Variants in BRCA2 observed in about 807,000 individuals in gnomAD.
BRCA2 encodes BRCA2 DNA repair associated, also known as breast cancer type 2 susceptibility protein.
In BRCA2, 203 loss-of-function variants were observed where a neutral mutation model predicts 276.7. That is an observed-to-expected ratio of 0.73 (90% CI 0.65 to 0.82). BRCA2 has a LOEUF of 0.82. Ranked by LOEUF, BRCA2 falls within the 40% of genes least tolerant of loss-of-function variation. The pLI, the probability that BRCA2 is intolerant of heterozygous loss-of-function variation, is 0.00. For missense variants in BRCA2, 3,920 were observed against 3,915.0 expected, an observed-to-expected ratio of 1.00 and a Z score of -0.03; for synonymous variants, 1,289 against 1,338.4, an observed-to-expected ratio of 0.96 and a Z score of 0.81.
At position 32,340,968 on chromosome 13, in the gene BRCA2, G is replaced by A. The variant is rs80358889; in HGVS notation, c.6613G>A (p.Val2205Met). Reference protein sequence around the residue: ...GKTETFSDVPVKTNIEVCSTY... With the variant: ...GKTETFSDVPMKTNIEVCSTY... ...AACTGAAACTTTTTCTGATGTTCCT[G>A]TGAAAACAAATATAGAAGTTTGTTC... The change falls in exon 11 of 27, where the codon GTG becomes ATG. Residue 2205 changes from valine (V) to methionine (M), a missense_variant. By Grantham distance (21) the Val-to-Met change is conservative. Around this residue, in one of 2 missense-constraint regions of BRCA2, gnomAD observed 3,263 missense variants for 3,156.9 expected, o/e 1.03. Transcript: ENST00000380152. 2.1e-5 allele frequency: 34 copies of A among 1,608,604 alleles called. No individual in the cohort carries two copies. Among genetic ancestry groups the A allele is most frequent in the Non-Finnish European group, 2.5e-5 (30 of 1,178,680 alleles).
intron 13 of BRCA2, among the ~76,000 whole-genome samples, chr13:32,347,491 C>T (rs371153560): frequency 4.6e-5 from 7 of 152,238 alleles, no homozygotes; most frequent in African/African-American, 1.7e-4. Flanking sequence ...TCTATATTTC[C>T]TCCCCCACTG....
At chr13:32,351,167 A>G (rs945800143) in intron 13 of BRCA2, among the ~76,000 whole-genome samples, 3 of 152,332 alleles carry the variant, frequency 2.0e-5, no homozygotes, top group Non-Finnish European at 2.9e-5. Context: ...ACTCTTTGCA[A>G]TGAATCTTGC....
chr13:32,392,589 C>A (rs2073004457), intron 24 of BRCA2, among the ~76,000 whole-genome samples: 10 of 133,962 alleles, frequency 7.5e-5, no homozygotes, highest in African/African-American at 1.9e-4. Context: ...GACTGCGTCT[C>A]AAAAAAAAAA....
chr13:32,384,491 A>G (rs1003238560), intron 24 of BRCA2, among the ~76,000 whole-genome samples: 3 of 152,154 alleles, frequency 2.0e-5, no homozygotes, highest in Non-Finnish European at 2.9e-5. Context: ...TTGTGTGTTT[A>G]TAGCAGGTGT....
chr13:32,349,020 G>A (rs949507607), intron 13 of BRCA2, among the ~76,000 whole-genome samples: 3 of 151,958 alleles, frequency 2.0e-5, no homozygotes, highest in African/African-American at 4.8e-5. Context: ...CCAGGAGTTC[G>A]AGACTAGCCT....
chr13:32,360,454 G>A (rs1431766944), intron 16 of BRCA2, among the ~76,000 whole-genome samples: 3 of 152,136 alleles, frequency 2.0e-5, no homozygotes, highest in Non-Finnish European at 4.4e-5. Flanking sequence ...CCACCTCCCA[G>A]GTTCAAGCGA....
intron 11 of BRCA2, among the ~76,000 whole-genome samples, chr13:32,341,619 G>T (rs974276212): frequency 5.3e-5 from 8 of 152,168 alleles, no homozygotes; most frequent in African/African-American, 1.9e-4. Flanking sequence ...TTAAAAGTTG[G>T]TTTCCGGGAG....
Position 32,338,120 on chromosome 13 carries a change from A to G in BRCA2, c.3765A>G (p.Val1255=), listed in dbSNP as rs41293483. ...TTAGTGAGGAAACTTCTGCAGAGGT[A>G]CATCCAATAAGTTTATCTTCAAGTA... The part of the protein sequence containing the change: ...ENISEETSAE[V]HPISLSSSKC... The change falls in exon 11 of 27, where the codon GTA becomes GTG. Residue 1255 remains valine, a synonymous_variant. Coordinates refer to ENST00000380152, the MANE Select transcript of BRCA2 (RefSeq NM_000059.4). 5 of 1,608,322 alleles carry G rather than the reference A, an allele frequency of 3.1e-6. No individual in the cohort carries two copies. The African/African-American group carries it at 6.7e-5, about 22-fold the overall frequency.
At chr13:32,377,779 G>A (rs951634652) in intron 21 of BRCA2, among the ~76,000 whole-genome samples, 4 of 152,128 alleles carry the variant, frequency 2.6e-5, no homozygotes, top group African/African-American at 9.7e-5. Flanking sequence ...AGATTAGTTT[G>A]TTAGGGAGGA....
In BRCA2 at chr13:32,355,095, A is replaced by T. The variant is rs1799955; in HGVS notation, c.7242A>T (p.Ser2414=). ...KVFVPPFKTK[S]HFHRVEQCVR... The stretch of plus-strand genomic sequence containing the variant: ...TTGTTCCACCTTTTAAAACTAAATC[A>T]CATTTTCACAGAGTTGAACAGTGTG... Residue 2414 remains serine (S), a synonymous_variant, in exon 14 of 27, where the codon TCA becomes TCT. Transcript: ENST00000380152. 1.4e-5 allele frequency: 22 copies of T among 1,613,540 alleles called. No homozygotes were observed. The highest frequency in any genetic ancestry group is 1.7e-5 in the Admixed American group (1 of 59,992).
At chr13:32,344,844 T>C (rs2072600709) in intron 12 of BRCA2, among the ~76,000 whole-genome samples, 191 bp downstream of exon 12, 3 of 152,176 alleles carry the variant, frequency 2.0e-5, no homozygotes, top group Admixed American at 2.0e-4. Context: ...ATGTGGAATA[T>C]ATCTATTGAT....
chr13:32,380,108 C>T lies in BRCA2; in HGVS notation c.9219C>T (p.Asp3073=), dbSNP rs2137625533. 1 of 1,613,894 alleles carries T rather than the reference C, an allele frequency of 6.2e-7. No homozygotes were observed. The highest frequency in any genetic ancestry group is 8.5e-7 in the Non-Finnish European group (1 of 1,179,944). ...PDFQPSCSEV[D]LIGFVVSVVK... ...TTCAGCCATCTTGTTCTGAGGTGGACCTAATAGGATTTGTCGTTTCTGTTG... is the reference window on the plus strand; with the variant it reads ...TTCAGCCATCTTGTTCTGAGGTGGATCTAATAGGATTTGTCGTTTCTGTTG... The change falls in exon 24 of 27, where the codon GAC becomes GAT. Residue 3073 remains aspartate (D), a synonymous_variant. Transcript: ENST00000380152.
Position 32,371,235 on chromosome 13 carries a change from G to T in BRCA2, c.8632+135G>T. 4.4e-6 allele frequency: 4 copies of T among 914,528 alleles called. No homozygotes were observed. The South Asian group carries it at 6.7e-5, about 15-fold the overall frequency. 56.7% of individuals were successfully genotyped at this position (914,528 alleles called of 1,614,324 possible). On this transcript the variant is annotated intron_variant, in intron 20 of 26. Coordinates refer to ENST00000380152, the MANE Select transcript of BRCA2 (RefSeq NM_000059.4). ...AATTGACTTTATTTTTTAGTATCTA[G>T]GGTATTCTTTTTTGGTGTTAGACAA...
In BRCA2 at chr13:32,356,561, G is replaced by C. The variant is rs786201620; in HGVS notation, c.7569G>C (p.Leu2523=). The change falls in exon 15 of 27, where the codon CTG becomes CTC. Residue 2523 remains leucine (L), a synonymous_variant. Transcript: ENST00000380152. ...AKTSTLPRIS[L]KAAVGGQVPS... is the part of the protein sequence containing the mutation. ...CATCCACTCTGCCTCGAATCTCTCT[G>C]AAAGCAGCAGTAGGAGGCCAAGTTC... is the stretch of plus-strand genomic sequence containing the variant. 1 of 1,614,066 alleles carries C rather than the reference G, an allele frequency of 6.2e-7. No individual in the cohort carries two copies.
rs1212532871 is a variant in BRCA2, at chr13:32,325,226, T to C, written c.425+42T>C. 3.7e-6 allele frequency: 5 copies of C among 1,362,260 alleles called. No individual in the cohort carries two copies. The African/African-American group carries it at 7.3e-5, about 20-fold the overall frequency. The allele number at this position is 1,362,260 out of a possible 1,614,324, so 84.4% of individuals were successfully genotyped here. A position where few individuals can be genotyped will look rare whatever the true frequency, so the allele number is the denominator to read the frequency against. On this transcript the variant is annotated intron_variant, in intron 4 of 26. Transcript: ENST00000380152. Reference sequence around the variant, plus strand: ...ATATTAAAATATTTAAATGAAACATTTTCCTACATATATTTGTTCTATAAA... The same window carrying C: ...ATATTAAAATATTTAAATGAAACATCTTCCTACATATATTTGTTCTATAAA...
At chr13:32,381,119 C>CT (rs1227128840) in intron 24 of BRCA2, among the ~76,000 whole-genome samples, 2 of 152,084 alleles carry the variant, frequency 1.3e-5, no homozygotes, top group African/African-American at 4.8e-5. Context: ...TTGGATGACT[C>CT]TTTTCACACA....
chr13:32,316,525 CA>C lies in BRCA2; in HGVS notation c.66del (p.Asp23IlefsTer2). The C allele has an allele frequency of 6.2e-7, 1 of 1,612,964 alleles. No homozygotes were observed. Among genetic ancestry groups the C allele is most frequent in the East Asian group, 2.2e-5 (1 of 44,868 alleles). ...FEIFKTRCNK[A>X]DLGPISLNWF... ...ATTTTTAAGACACGCTGCAACAAAG[CA>C]GGTATTGACAAATTTTATATAACTT... On this transcript the variant is annotated frameshift_variant and splice_region_variant, in exon 2 of 27. Transcript: ENST00000380152. LOFTEE classifies it high-confidence loss of function.
At chr13:32,344,499 T>C (rs1566236781) in intron 11 of BRCA2, 59 bp from the exon 12 acceptor site, 3 of 1,172,498 alleles carry the variant, frequency 2.6e-6, no homozygotes, top group African/African-American at 1.6e-5. Context: ...CTATAGACTT[T>C]TGAGAAATAA....
chr13:32,353,590 C>T (rs1006989392), intron 13 of BRCA2, among the ~76,000 whole-genome samples: 1 of 152,106 alleles, frequency 6.6e-6, no homozygotes, highest in South Asian at 2.1e-4. Flanking sequence ...CTAGGCCAAT[C>T]GACATATTTG....
Sources: gnomAD v4.1 joint callset for allele counts (sites outside exome capture counted in the v4.1 genomes callset) on GRCh38, gnomAD v4.1.1 for gene constraint, gnomAD v4.1.1 regional missense constraint, MANE v1.5 for transcripts, NCBI Gene and HGNC (gene_info 2026-07-23, HGNC 2026-07-21) for gene names.